The following ROBO1 variants were observed in gnomAD, a reference collection of about 807,000 sequenced individuals.
ROBO1 encodes roundabout homolog 1.
Under a neutral mutation model 195.9 loss-of-function variants are expected in ROBO1, and 149 were observed. The ratio of observed to expected loss-of-function variants is 0.76; its 90% confidence interval spans 0.67 to 0.87. The LOEUF (loss-of-function observed/expected upper bound fraction) is 0.87, where lower values mean the gene tolerates loss of function less well. ROBO1 is among the 40% of genes least tolerant of loss of function. ROBO1 has a pLI of 0.00. For synonymous variants in ROBO1, 816 were observed against 733.2 expected (o/e 1.11, Z -1.82); for missense variants, 1,933 against 2,068.3 (o/e 0.93, Z 1.27).
At chr3:78,611,294 T>C (rs968959959) in intron 28 of ROBO1, among the ~76,000 whole-genome samples, 2 of 152,116 alleles carry the variant, frequency 1.3e-5, no homozygotes, top group Non-Finnish European at 2.9e-5. Context: ...TTATGAAAAG[T>C]AGGAATGGAG....
chr3:79,660,932 T>C (rs948612215), intron 1 of ROBO1, among the ~76,000 whole-genome samples: 1 of 152,132 alleles, frequency 6.6e-6, no homozygotes, highest in Non-Finnish European at 1.5e-5. Flanking sequence ...AAAATAATTA[T>C]CAAGTTTCAG....
intron 2 of ROBO1, among the ~76,000 whole-genome samples, chr3:79,586,910 T>A (rs1943847447): frequency 6.6e-6 from 1 of 151,892 alleles, no homozygotes; most frequent in African/African-American, 2.4e-5. Flanking sequence ...ATATTTCATT[T>A]GTCAATTAGA....
chr3:78,682,287 A>AATAT (rs1039086337), intron 10 of ROBO1, among the ~76,000 whole-genome samples: 5 of 151,608 alleles, frequency 3.3e-5, no homozygotes, highest in Non-Finnish European at 7.4e-5. Context: ...TAAAACTTGA[A>AATAT]ATATATATAT....
intron 2 of ROBO1, among the ~76,000 whole-genome samples, chr3:79,514,680 C>T (rs1940866060): frequency 6.6e-6 from 1 of 151,766 alleles, no homozygotes; most frequent in African/African-American, 2.4e-5. Context: ...AACCTTTTAA[C>T]CTATTGATGT....
At chr3:79,658,131 T>G (rs1334404310) in intron 1 of ROBO1, among the ~76,000 whole-genome samples, 1 of 152,024 alleles carries the variant, frequency 6.6e-6, no homozygotes, top group Non-Finnish European at 1.5e-5. Flanking sequence ...AAAAGGAAAG[T>G]TTTTATGTCT....
chr3:79,091,908 T>C (rs2079486006), intron 3 of ROBO1, among the ~76,000 whole-genome samples: 4 of 152,084 alleles, frequency 2.6e-5, no homozygotes, highest in African/African-American at 9.7e-5. Context: ...ATAGGTCAGG[T>C]CCACCTCAGG....
intron 3 of ROBO1, among the ~76,000 whole-genome samples, chr3:78,972,496 T>C (rs1418785562): frequency 6.6e-6 from 1 of 152,178 alleles, no homozygotes; most frequent in African/African-American, 2.4e-5. Context: ...ACAACTCTGG[T>C]CAGGGCTGTA....
At chr3:79,679,058 T>C (rs937062765) in intron 1 of ROBO1, among the ~76,000 whole-genome samples, 1 of 152,188 alleles carries the variant, frequency 6.6e-6, no homozygotes, top group Middle Eastern at 3.4e-3. Context: ...GGATATATAG[T>C]CAATACAGTT....
intron 25 of ROBO1, 42 bp from the exon 26 acceptor site, chr3:78,627,611 T>C (rs1163499560): frequency 1.3e-6 from 2 of 1,550,582 alleles, no homozygotes; most frequent in Admixed American, 1.9e-5. Flanking sequence ...CTTCAGGTTA[T>C]TCAAATAAAC....
intron 2 of ROBO1, among the ~76,000 whole-genome samples, chr3:79,494,037 T>C (rs1236163534): frequency 6.6e-6 from 1 of 152,196 alleles, no homozygotes; most frequent in Non-Finnish European, 1.5e-5. Flanking sequence ...TTTTGAACTA[T>C]TTGCTCTAAA....
chr3:79,657,966 A>G (rs1946218179), intron 1 of ROBO1, among the ~76,000 whole-genome samples: 1 of 152,162 alleles, frequency 6.6e-6, no homozygotes, highest in African/African-American at 2.4e-5. Context: ...AATGAAGAAA[A>G]AATTGTATGT....
chr3:78,816,916 T>C (rs866168046), intron 4 of ROBO1, among the ~76,000 whole-genome samples: 7 of 151,846 alleles, frequency 4.6e-5, no homozygotes, highest in African/African-American at 1.7e-4. Flanking sequence ...AAAGGATTAA[T>C]TGGCACATGT....
chr3:79,021,878 T>G (rs2078110559), intron 3 of ROBO1, among the ~76,000 whole-genome samples: 1 of 152,182 alleles, frequency 6.6e-6, no homozygotes, highest in African/African-American at 2.4e-5. Context: ...GCCAGGTTGG[T>G]CTCGATCTCC....
At chr3:79,442,363 T>C (rs1353135533) in intron 2 of ROBO1, among the ~76,000 whole-genome samples, 1 of 152,222 alleles carries the variant, frequency 6.6e-6, no homozygotes, top group Non-Finnish European at 1.5e-5. Flanking sequence ...TTTCTTTTTA[T>C]GAGGAATTTT....
chr3:78,800,755 G>C (rs1030875851), intron 4 of ROBO1, among the ~76,000 whole-genome samples: 1 of 151,900 alleles, frequency 6.6e-6, no homozygotes, highest in Non-Finnish European at 1.5e-5. Context: ...TAATAGAGAC[G>C]GGGTTTCACT....
At chr3:79,686,282 C>T (rs1947110168) in intron 1 of ROBO1, among the ~76,000 whole-genome samples, 2 of 152,162 alleles carry the variant, frequency 1.3e-5, no homozygotes, top group South Asian at 2.1e-4. Context: ...TGGACAAAAA[C>T]TGGAAGCATT....
intron 2 of ROBO1, among the ~76,000 whole-genome samples, chr3:79,585,861 GT>G (rs1260269988): frequency 1.3e-5 from 2 of 151,900 alleles, no homozygotes; most frequent in Non-Finnish European, 2.9e-5. Flanking sequence ...AGTCAGTGCA[GT>G]TAAAAAATTG....
chr3:78,696,778 G>A (rs1183095752), intron 8 of ROBO1, among the ~76,000 whole-genome samples: 5 of 147,228 alleles, frequency 3.4e-5, no homozygotes, highest in Non-Finnish European at 7.4e-5. Flanking sequence ...TGGTTTTAAG[G>A]AATTCATGAT....
At chr3:79,245,238 A>T (rs376934432) in intron 2 of ROBO1, among the ~76,000 whole-genome samples, 4 of 152,164 alleles carry the variant, frequency 2.6e-5, no homozygotes, top group Admixed American at 6.6e-5. Flanking sequence ...CTTTTTATTA[A>T]CTCCAGATAC....
Sources: allele counts gnomAD v4.1 joint callset (sites outside exome capture counted in the v4.1 genomes callset), GRCh38; gene constraint gnomAD v4.1.1; transcripts MANE v1.5; gene names NCBI Gene and HGNC (gene_info 2026-07-23, HGNC 2026-07-21).